The following TRIP12 variants were observed in gnomAD, a reference collection of about 807,000 sequenced individuals.
TRIP12 encodes thyroid hormone receptor interactor 12.
TRIP12 carries 25 observed loss-of-function variants against 244.2 expected under a neutral mutation model. That is an observed-to-expected ratio of 0.10 (90% CI 0.07 to 0.14). The LOEUF is 0.14. Among genes scored for constraint, TRIP12 ranks in the 10% least tolerant of loss-of-function variants. TRIP12 has a pLI of 1.00. For synonymous variants in TRIP12, 905 were observed against 873.1 expected (o/e 1.04, Z -0.64); for missense variants, 1,677 against 2,486.4 (o/e 0.67, Z 6.92).
At chr2:229,866,774 A>C (rs1330251181) in intron 2 of TRIP12, among the ~76,000 whole-genome samples, 1 of 152,174 alleles carries the variant, frequency 6.6e-6, no homozygotes, top group Non-Finnish European at 1.5e-5. Flanking sequence ...CTCTCCATAG[A>C]TGTTTCCAAC....
chr2:229,843,200 T>G (rs758891733), intron 4 of TRIP12, among the ~76,000 whole-genome samples: 2 of 151,922 alleles, frequency 1.3e-5, no homozygotes, highest in Non-Finnish European at 2.9e-5. Flanking sequence ...ATGTCACTGG[T>G]TAGATTAATA....
rs757595371 is a variant in TRIP12 at position 229,767,569 on chromosome 2, C to G, written c.6189G>C (p.Ser2063=). Residue 2063 remains serine (S), a synonymous_variant, in exon 42 of 42, where the codon TCG becomes TCC. Transcript: ENST00000675903. ...CTTGCTATGATCAGGAAAGATGGAA[C>G]GACTGCTGCCCTTCTCTTGCTGCTA... The part of the protein sequence containing the change: ...LLIAAREGQQ[S]FHLS 4 of 1,609,176 alleles carry G rather than the reference C, an allele frequency of 2.5e-6. No individual in the cohort carries two copies. In the Admixed American group the frequency reaches 6.8e-5, roughly 27 times the overall value.
chr2:229,793,187 A>G, intron 26 of TRIP12, 42 bp from the exon 27 acceptor site: 1 of 1,578,008 alleles, frequency 6.3e-7, no homozygotes, highest in East Asian at 2.3e-5. Context: ...TATTATTTTC[A>G]CATTTAATAT....
chr2:229,799,470 A>C lies in TRIP12; in HGVS notation c.3207-87T>G, dbSNP rs116795557. The C allele has an allele frequency of 4.5e-3, 5,478 of 1,206,592 alleles. 204 individuals carry two copies. In the African/African-American group the frequency reaches 0.073, roughly 16 times the overall value. The allele number at this position is 1,206,592 out of a possible 1,614,324, so 74.7% of individuals were successfully genotyped here. ...TGAAAAAGCAAACTAAAATGGCAGA[A>C]ACAGGGAGTAATAAAATACTGTCAG... is the stretch of plus-strand genomic sequence containing the variant. On this transcript the variant is annotated intron_variant, in intron 21 of 41. Transcript: ENST00000675903.
chr2:229,857,425 T>C (rs553063568), intron 4 of TRIP12, among the ~76,000 whole-genome samples: 32 of 152,156 alleles, frequency 2.1e-4, no homozygotes, highest in African/African-American at 7.7e-4. Flanking sequence ...TTGTCCCAGT[T>C]CAAGACCAGC....
chr2:229,922,624 C>T (rs1356528499), upstream of TRIP12: 4 of 1,613,170 alleles, frequency 2.5e-6, no homozygotes, highest in Middle Eastern at 1.6e-4. Flanking sequence ...GTGCGAGCCG[C>T]GGTTTACCCT....
chr2:229,808,216 T>C (rs1255406691), intron 16 of TRIP12, 36 bp downstream of exon 16: 1 of 1,487,352 alleles, frequency 6.7e-7, no homozygotes. Context: ...TTCACCCGCC[T>C]TGGCCTCCCA....
At chr2:229,894,100 A>G (rs1441230789) in intron 1 of TRIP12, among the ~76,000 whole-genome samples, 1 of 152,116 alleles carries the variant, frequency 6.6e-6, no homozygotes. Flanking sequence ...GGCTGCAGCG[A>G]GCTGAGATGG....
chr2:229,880,631 C>G (rs1370960187), intron 1 of TRIP12, among the ~76,000 whole-genome samples: 1 of 152,112 alleles, frequency 6.6e-6, no homozygotes, highest in Admixed American at 6.5e-5. Flanking sequence ...TTGTGAATAA[C>G]AAATGAAAAA....
upstream of TRIP12, chr2:229,922,458 CCCAA>C (rs2076747460): frequency 1.3e-6 from 2 of 1,580,792 alleles, no homozygotes; most frequent in African/African-American, 1.3e-5. Context: ...GCCCCTTGAC[CCCAA>C]CCAAGCCCCG....
chr2:229,802,220 G>T (rs1188398865), intron 21 of TRIP12, 32 bp downstream of exon 21: 1 of 1,547,204 alleles, frequency 6.5e-7, no homozygotes, highest in Non-Finnish European at 8.8e-7. Flanking sequence ...TAACAGCAAA[G>T]AAATAAAAAT....
chr2:229,822,664 C>T (rs942412244), intron 8 of TRIP12, among the ~76,000 whole-genome samples: 1 of 152,070 alleles, frequency 6.6e-6, no homozygotes, highest in South Asian at 2.1e-4. Context: ...TTATACAAAA[C>T]GTCTGTCACA....
At chr2:229,793,746 C>T in intron 26 of TRIP12, among the ~76,000 whole-genome samples, 1 of 152,150 alleles carries the variant, frequency 6.6e-6, no homozygotes, top group East Asian at 1.9e-4. Flanking sequence ...TATGATTCCA[C>T]AAAGCAAGCT....
chr2:229,788,965 AGTCTACATGTAGT>A, intron 31 of TRIP12, 25 bp from the exon 32 acceptor site: 2 of 1,558,616 alleles, frequency 1.3e-6, no homozygotes, highest in Non-Finnish European at 1.7e-6. Context: ...AAAAAAAAAA[AGTCTACATGTAGT>A]AAAATATTAG....
chr2:229,906,146 A>T lies in TRIP12; in HGVS notation c.-50+15734T>A, dbSNP rs531141695. ...ATGGTGAAACCCTGTCTCTACTAAA[A>T]ATACAAAAATTAGCTGGGCATAGTG... On this transcript the variant is annotated intron_variant, in intron 1 of 41. Transcript: ENST00000675903. Among the ~76,000 whole-genome samples the T allele has an allele frequency of 2.0e-5, 3 of 152,106 alleles. No individual in the cohort carries two copies. In the East Asian group the frequency reaches 5.8e-4, roughly 29 times the overall value.
rs751113516 is a variant in TRIP12, at chr2:229,821,701, A to G, written c.1451-3189T>C. On this transcript the variant is annotated intron_variant, in intron 8 of 41. Transcript: ENST00000675903. Reference sequence around the variant, plus strand: ...CACAGGTAGTATAAAAACAAGCAGGAGCGTGGATTTGGCCCTTGGGCAGTA... The same window carrying G: ...CACAGGTAGTATAAAAACAAGCAGGGGCGTGGATTTGGCCCTTGGGCAGTA... 1.6e-4 allele frequency among the ~76,000 whole-genome samples: 25 copies of G among 152,152 alleles called. 1 individual carries two copies. The highest frequency in any genetic ancestry group is 6.5e-4 in the Admixed American group (10 of 15,270).
At chr2:229,770,938 T>C (rs942649759) in intron 39 of TRIP12, among the ~76,000 whole-genome samples, 9 of 152,216 alleles carry the variant, frequency 5.9e-5, no homozygotes, top group African/African-American at 2.2e-4. Flanking sequence ...AATAAACCTC[T>C]TTCTTTTGTA....
At chr2:229,807,274 T>G (rs1483902738) in intron 17 of TRIP12, 1 of 188,080 alleles carries the variant, frequency 5.3e-6, no homozygotes, top group Non-Finnish European at 1.1e-5. Flanking sequence ...CACAATTTAC[T>G]TAACTATTTA....
chr2:229,849,726 A>T (rs148024661), intron 4 of TRIP12, among the ~76,000 whole-genome samples: 1,654 of 152,212 alleles, frequency 0.011, 17 homozygotes, highest in Non-Finnish European at 0.017. Flanking sequence ...TAAAAAAATT[A>T]GCTGGGTATG....
Sources: allele counts gnomAD v4.1 joint callset (sites outside exome capture counted in the v4.1 genomes callset), GRCh38; gene constraint gnomAD v4.1.1; transcripts MANE v1.5; gene names NCBI Gene and HGNC (gene_info 2026-07-23, HGNC 2026-07-21).